Variants in GRK3 observed in about 807,000 individuals in gnomAD.
The protein encoded by GRK3 is G protein-coupled receptor kinase 3.
In GRK3, 54 loss-of-function variants were observed where a neutral mutation model predicts 95.7. The observed-to-expected ratio is 0.56, with a 90% CI of 0.45 to 0.71. The LOEUF (loss-of-function observed/expected upper bound fraction) is 0.71. GRK3 is among the 30% of genes least tolerant of loss of function. The probability of loss-of-function intolerance (pLI) is 0.00; values close to 1 mark genes in which losing one functional copy is unlikely to be tolerated. For synonymous variants in GRK3, 281 were observed against 290.8 expected, an observed-to-expected ratio of 0.97 and a Z score of 0.34; for missense variants, 649 against 851.2, an observed-to-expected ratio of 0.76 and a Z score of 2.96.
At chr22:25,617,555 T>C (rs1325112048) in intron 2 of GRK3, among the ~76,000 whole-genome samples, 1 of 152,268 alleles carries the variant, frequency 6.6e-6, no homozygotes, top group Non-Finnish European at 1.5e-5. Flanking sequence ...TTCCATAATA[T>C]GCATTTCCAT....
chr22:25,603,150 C>T (rs551580662), intron 1 of GRK3, among the ~76,000 whole-genome samples: 19 of 152,268 alleles, frequency 1.2e-4, no homozygotes, highest in African/African-American at 4.6e-4. Context: ...CTCCTGACCT[C>T]AGATGATTCA....
intron 18 of GRK3, among the ~76,000 whole-genome samples, chr22:25,716,509 C>A (rs2085386312): frequency 6.6e-6 from 1 of 152,004 alleles, no homozygotes; most frequent in Non-Finnish European, 1.5e-5. Flanking sequence ...TTTAGCAAAT[C>A]AATGAATTTA....
In GRK3 at chr22:25,651,270, T is replaced by G. The variant is rs76241322; in HGVS notation, c.264+6605T>G. On this transcript the variant is annotated intron_variant, in intron 3 of 20. Transcript: ENST00000324198. ...GTGTGTATGTTATAAAATACTCTCT[T>G]ACAGTCACACCTTAAATTAAACCTT... 2.5e-3 allele frequency among the ~76,000 whole-genome samples: 378 copies of G among 152,316 alleles called. 3 individuals are homozygous for G. Among genetic ancestry groups the G allele is most frequent in the African/African-American group, 7.7e-3 (319 of 41,570 alleles).
chr22:25,685,235 G>A lies in GRK3; in HGVS notation c.813G>A (p.Leu271=), dbSNP rs1243319711. The change falls in exon 10 of 21, where the codon CTG becomes CTA. Residue 271 remains leucine (L), a synonymous_variant. Transcript: ENST00000324198. ...CCCCAGATAAACTCTGCTTCATCCT[G>A]GATCTGATGAACGGTAAGCAAAACT... The part of the protein sequence containing the change: ...FHTPDKLCFI[L]DLMNGGDLHY... 4 of 1,612,314 alleles carry A rather than the reference G, an allele frequency of 2.5e-6. No homozygotes were observed. The highest frequency in any genetic ancestry group is 1.7e-5 in the Admixed American group (1 of 59,994).
chr22:25,719,357 C>T (rs1283807160), intron 19 of GRK3, among the ~76,000 whole-genome samples: 2 of 152,182 alleles, frequency 1.3e-5, no homozygotes, highest in East Asian at 3.9e-4. Flanking sequence ...CCTGTGCCCT[C>T]AGTCTCTCCA....
intron 2 of GRK3, among the ~76,000 whole-genome samples, chr22:25,616,387 GGA>G (rs143019947): frequency 1.2e-4 from 18 of 149,562 alleles, no homozygotes; most frequent in East Asian, 3.9e-4. Flanking sequence ...AGAGAGGGAG[GGA>G]GAGAGAGAGA....
At chr22:25,566,138 C>T (rs552864947) in intron 1 of GRK3, among the ~76,000 whole-genome samples, 6 of 151,760 alleles carry the variant, frequency 4.0e-5, no homozygotes, top group Admixed American at 1.3e-4. Context: ...TTTTTTTTCT[C>T]TAGCTCCTTT....
chr22:25,650,550 A>G (rs188401837), intron 3 of GRK3, among the ~76,000 whole-genome samples: 91 of 152,346 alleles, frequency 6.0e-4, no homozygotes, highest in Non-Finnish European at 1.1e-3. Context: ...TCATGTCGAA[A>G]TAGATGAACA....
At chr22:25,690,792 A>G (rs769446066) in intron 12 of GRK3, among the ~76,000 whole-genome samples, 14 of 152,148 alleles carry the variant, frequency 9.2e-5, no homozygotes, top group Non-Finnish European at 1.6e-4. Context: ...AGAAATTAGG[A>G]ATATTTCTTT....
At chr22:25,681,556 G>A (rs926639084) in intron 9 of GRK3, among the ~76,000 whole-genome samples, 3 of 152,030 alleles carry the variant, frequency 2.0e-5, no homozygotes, top group Admixed American at 6.5e-5. Context: ...AGGCCAGACC[G>A]TGAAGGGCAT....
chr22:25,699,568 C>G (rs2085239681), intron 13 of GRK3, among the ~76,000 whole-genome samples: 1 of 152,178 alleles, frequency 6.6e-6, no homozygotes, highest in Non-Finnish European at 1.5e-5. Flanking sequence ...CCCTAAATGT[C>G]AACAGTGCCG....
intron 8 of GRK3, among the ~76,000 whole-genome samples, chr22:25,678,311 C>T (rs560841885): frequency 1.9e-4 from 29 of 152,094 alleles, no homozygotes; most frequent in Admixed American, 8.5e-4. Flanking sequence ...AAAAATTAGC[C>T]GGTCATGGTG....
At chr22:25,667,034 A>T (rs1017156210) in intron 5 of GRK3, among the ~76,000 whole-genome samples, 6 of 152,190 alleles carry the variant, frequency 3.9e-5, no homozygotes, top group Admixed American at 2.0e-4. Context: ...AGCACTGTGC[A>T]TGTGAACCAG....
intron 2 of GRK3, among the ~76,000 whole-genome samples, chr22:25,624,921 T>C (rs532645652): frequency 1.2e-4 from 17 of 147,804 alleles, no homozygotes; most frequent in African/African-American, 3.2e-4. Flanking sequence ...ATGAATCTCT[T>C]TTTTTTTTTT....
chr22:25,696,165 A>T (rs1305604542), intron 13 of GRK3, among the ~76,000 whole-genome samples: 1 of 151,846 alleles, frequency 6.6e-6, no homozygotes, highest in Non-Finnish European at 1.5e-5. Context: ...ATGTTTTTAG[A>T]GGTGAGGTCT....
chr22:25,644,756 A>G (rs2084768784), intron 3 of GRK3, 91 bp downstream of exon 3: 1 of 601,418 alleles, frequency 1.7e-6, no homozygotes, highest in East Asian at 3.1e-5. Context: ...ATATCTTACA[A>G]ATATTTAGAA....
chr22:25,607,217 T>G (rs1343190561), intron 2 of GRK3, among the ~76,000 whole-genome samples: 10 of 152,192 alleles, frequency 6.6e-5, no homozygotes, highest in Admixed American at 6.5e-4. Flanking sequence ...CAGCGTTTTG[T>G]GCTATATGCA....
In GRK3 at chr22:25,728,478, G is replaced by A. The variant is rs762805579; in HGVS notation, c.*6028G>A. The A allele has an allele frequency of 1.3e-5, 2 of 152,192 alleles. No homozygotes were observed. The highest frequency in any genetic ancestry group is 2.9e-5 in the Non-Finnish European group (2 of 68,040). The allele number at this position is 152,192 out of a possible 1,614,324, so 9.4% of individuals were successfully genotyped here. ...GGAGCCCCTGTGTGTGGGGCAGGTAGCTATCCCTCCCATGTCATTAGTAAT... is the reference window on the plus strand; with the variant it reads ...GGAGCCCCTGTGTGTGGGGCAGGTAACTATCCCTCCCATGTCATTAGTAAT... On this transcript the variant is annotated 3_prime_UTR_variant, in exon 21 of 21. Coordinates refer to ENST00000324198, the MANE Select transcript of GRK3 (RefSeq NM_005160.4).
chr22:25,615,122 C>T (rs2084528373), intron 2 of GRK3, among the ~76,000 whole-genome samples: 1 of 152,218 alleles, frequency 6.6e-6, no homozygotes, highest in African/African-American at 2.4e-5. Flanking sequence ...AAGTTATTCT[C>T]TTAGCCAAGA....
Sources: allele counts gnomAD v4.1 joint callset (sites outside exome capture counted in the v4.1 genomes callset), GRCh38; gene constraint gnomAD v4.1.1; transcripts MANE v1.5; gene names NCBI Gene and HGNC (gene_info 2026-07-23, HGNC 2026-07-21).